Variants in SNX3 observed in about 807,000 individuals in gnomAD.
The protein encoded by SNX3 is sorting nexin-3.
Under a neutral mutation model 17.7 loss-of-function variants are expected in SNX3, and 5 were observed. The ratio of observed to expected loss-of-function variants is 0.28; its 90% CI spans 0.15 to 0.59. The LOEUF (loss-of-function observed/expected upper bound fraction) is 0.59, where lower values mean the gene tolerates loss of function less well. Among genes scored for constraint, SNX3 ranks in the 20% least tolerant of loss-of-function variants. The pLI is 0.88. For synonymous variants in SNX3, 91 were observed against 76.5 expected, an observed-to-expected ratio of 1.19 and a Z score of -0.99; for missense variants, 132 against 206.8, an observed-to-expected ratio of 0.64 and a Z score of 2.22.
intron 2 of SNX3, among the ~76,000 whole-genome samples, chr6:108,217,944 G>A (rs1359820954): frequency 6.6e-6 from 1 of 152,096 alleles, no homozygotes; most frequent in East Asian, 1.9e-4. Flanking sequence ...ACAGATCTTA[G>A]TTAAAAGTAC....
intron 2 of SNX3, among the ~76,000 whole-genome samples, chr6:108,221,599 G>A (rs1429997418): frequency 7.3e-6 from 1 of 137,416 alleles, no homozygotes; most frequent in Non-Finnish European, 1.5e-5. Context: ...ATGCTGGAGT[G>A]CAGGGGCAAG....
chr6:108,260,655 G>C (rs968652654), intron 1 of SNX3, 105 bp downstream of exon 1: 2 of 1,341,646 alleles, frequency 1.5e-6, no homozygotes, highest in African/African-American at 2.9e-5. Context: ...GGGGGCTCCC[G>C]GCCTGGGAGG....
At chr6:108,229,174 C>T (rs1411745787) in intron 1 of SNX3, among the ~76,000 whole-genome samples, 1 of 149,004 alleles carries the variant, frequency 6.7e-6, no homozygotes, top group African/African-American at 2.5e-5. Flanking sequence ...GCAGGATAAT[C>T]GCTTGAACCC....
chr6:108,239,183 G>A (rs1421497098), intron 1 of SNX3, among the ~76,000 whole-genome samples: 3 of 152,138 alleles, frequency 2.0e-5, no homozygotes, highest in Non-Finnish European at 4.4e-5. Context: ...GATTACAGGC[G>A]TGAGCCACTG....
intron 1 of SNX3, among the ~76,000 whole-genome samples, chr6:108,239,649 A>G (rs1775458059): frequency 6.6e-6 from 1 of 152,240 alleles, no homozygotes; most frequent in Non-Finnish European, 1.5e-5. Flanking sequence ...AAAGAGAAGA[A>G]TTAAGTAACT....
intron 3 of SNX3, among the ~76,000 whole-genome samples, chr6:108,212,466 T>C (rs1774436847): frequency 6.6e-6 from 1 of 151,994 alleles, no homozygotes; most frequent in South Asian, 2.1e-4. Flanking sequence ...GCCCCCTGAG[T>C]AGCTGGGACT....
At chr6:108,236,342 A>G (rs905601082) in intron 1 of SNX3, among the ~76,000 whole-genome samples, 1 of 148,296 alleles carries the variant, frequency 6.7e-6, no homozygotes, top group Admixed American at 6.7e-5. Context: ...TTATATATAT[A>G]TATATAAAAC....
chr6:108,239,063 G>C (rs1775440900), intron 1 of SNX3, among the ~76,000 whole-genome samples: 2 of 152,088 alleles, frequency 1.3e-5, no homozygotes, highest in Admixed American at 6.5e-5. Context: ...CCCACACCCA[G>C]CTAATTTTTT....
chr6:108,211,478 T>G lies in SNX3; in HGVS notation c.*671A>C, dbSNP rs532441. On this transcript the variant is annotated 3_prime_UTR_variant, in exon 4 of 4. Coordinates refer to ENST00000230085, the MANE Select transcript of SNX3 (RefSeq NM_003795.6). ...AACAAGTGACTTAAGTAGTCACTCA[T>G]AGAGAGCAAAAAAAGCTGGAGGCAA... 6.6e-6 allele frequency: 1 copy of G among 152,508 alleles called. No homozygotes were observed. The highest frequency in any genetic ancestry group is 1.5e-5 in the Non-Finnish European group (1 of 68,020). 9.4% of individuals were successfully genotyped at this position (152,508 alleles called of 1,614,324 possible). A position where few individuals can be genotyped will look rare whatever the true frequency, so the allele number is the denominator to read the frequency against.
chr6:108,242,168 TAAG>T (rs1775540050), intron 1 of SNX3, among the ~76,000 whole-genome samples: 1 of 151,530 alleles, frequency 6.6e-6, no homozygotes, highest in South Asian at 2.1e-4. Context: ...AAGAAAAAAA[TAAG>T]AATGAACAGA....
At chr6:108,259,928 C>A (rs894292148) in intron 1 of SNX3, among the ~76,000 whole-genome samples, 2 of 152,220 alleles carry the variant, frequency 1.3e-5, no homozygotes, top group Non-Finnish European at 2.9e-5. Flanking sequence ...TGGGCAAATT[C>A]TTTAATCCTG....
At chr6:108,217,545 AG>A (rs1774625918) in intron 2 of SNX3, among the ~76,000 whole-genome samples, 1 of 152,162 alleles carries the variant, frequency 6.6e-6, no homozygotes, top group African/African-American at 2.4e-5. Flanking sequence ...ACCTGAGGTC[AG>A]AAGTTCAAGA....
chr6:108,215,325 G>C (rs1453343944), intron 2 of SNX3, among the ~76,000 whole-genome samples: 1 of 151,150 alleles, frequency 6.6e-6, no homozygotes. Flanking sequence ...ACTCCAGCTG[G>C]GCTACAGAGT....
At chr6:108,235,450 T>C (rs1209087829) in intron 1 of SNX3, among the ~76,000 whole-genome samples, 1 of 152,230 alleles carries the variant, frequency 6.6e-6, no homozygotes, top group Non-Finnish European at 1.5e-5. Flanking sequence ...AGTGAATGTT[T>C]AATTGTAACT....
chr6:108,259,225 T>C (rs1776116555), intron 1 of SNX3, among the ~76,000 whole-genome samples: 1 of 152,128 alleles, frequency 6.6e-6, no homozygotes, highest in African/African-American at 2.4e-5. Flanking sequence ...ACATATCCTA[T>C]GATTCAATTT....
chr6:108,235,843 C>G (rs1251909334), intron 1 of SNX3, among the ~76,000 whole-genome samples: 6 of 152,098 alleles, frequency 3.9e-5, no homozygotes, highest in Admixed American at 1.3e-4. Flanking sequence ...GAGCTGATAC[C>G]ACGCACTGCA....
chr6:108,253,687 C>T (rs555443055), intron 1 of SNX3, among the ~76,000 whole-genome samples: 3 of 152,122 alleles, frequency 2.0e-5, no homozygotes, highest in South Asian at 2.1e-4. Context: ...TTTTTTTAAT[C>T]CCATCAAAGC....
chr6:108,249,013 T>C (rs1482920966), intron 1 of SNX3, among the ~76,000 whole-genome samples: 10 of 152,134 alleles, frequency 6.6e-5, no homozygotes, highest in Admixed American at 6.6e-4. Flanking sequence ...TAAAAATTAT[T>C]TATACAACTG....
intron 1 of SNX3, among the ~76,000 whole-genome samples, chr6:108,234,002 T>C (rs1428135172): frequency 2.6e-5 from 4 of 152,236 alleles, no homozygotes; most frequent in Admixed American, 6.5e-5. Context: ...CTTCTACATA[T>C]GGTGCATCAG....
Sources: gnomAD v4.1 joint callset for allele counts (sites outside exome capture counted in the v4.1 genomes callset) on GRCh38, gnomAD v4.1.1 for gene constraint, MANE v1.5 for transcripts, NCBI Gene and HGNC (gene_info 2026-07-23, HGNC 2026-07-21) for gene names.